Variants in AK5 observed in about 807,000 individuals in gnomAD.
AK5 encodes the protein adenylate kinase isoenzyme 5.
In AK5, 27 loss-of-function variants were observed where a neutral mutation model predicts 69.5. The ratio of observed to expected loss-of-function variants is 0.39; its 90% CI spans 0.29 to 0.54. The LOEUF (loss-of-function observed/expected upper bound fraction) is 0.54. Among genes scored for constraint, AK5 ranks in the 20% least tolerant of loss-of-function variants. AK5 has a pLI of 0.71. For missense variants in AK5, 531 were observed against 700.4 expected, an observed-to-expected ratio of 0.76 and a Z score of 2.73; for synonymous variants, 260 against 244.4, an observed-to-expected ratio of 1.06 and a Z score of -0.60.
intron 8 of AK5, among the ~76,000 whole-genome samples, chr1:77,464,085 T>C (rs1477956392): frequency 6.6e-6 from 1 of 151,846 alleles, no homozygotes; most frequent in Non-Finnish European, 1.5e-5. Flanking sequence ...AGTATTGTTG[T>C]AGCACTTTTG....
At chr1:77,444,275 ATACACAACATATGTGTATATATATAGT>A (rs1652547951) in intron 8 of AK5, among the ~76,000 whole-genome samples, 1 of 60,792 alleles carries the variant, frequency 1.6e-5, no homozygotes, top group African/African-American at 5.9e-5. Context: ...TATAGTATAT[ATACACAACATATGTGTATATATATAGT>A]ATATATACAC....
At chr1:77,342,041 G>A (rs1002595262) in intron 6 of AK5, among the ~76,000 whole-genome samples, 2 of 152,140 alleles carry the variant, frequency 1.3e-5, no homozygotes, top group South Asian at 4.2e-4. Context: ...TGGGATTACA[G>A]GTGCACACCA....
At chr1:77,346,799 GAGAAA>G (rs1335334461) in intron 6 of AK5, among the ~76,000 whole-genome samples, 1 of 152,060 alleles carries the variant, frequency 6.6e-6, no homozygotes, top group Non-Finnish European at 1.5e-5. Context: ...ACCCAGCCAG[GAGAAA>G]AGAAAACTAA....
At chr1:77,369,411 T>C (rs946345251) in intron 6 of AK5, among the ~76,000 whole-genome samples, 3 of 152,190 alleles carry the variant, frequency 2.0e-5, no homozygotes, top group Admixed American at 2.0e-4. Flanking sequence ...TTTTTTCTTA[T>C]GAAAGCAGAT....
At chr1:77,362,977 G>A (rs535688917) in intron 6 of AK5, among the ~76,000 whole-genome samples, 3 of 152,124 alleles carry the variant, frequency 2.0e-5, no homozygotes, top group South Asian at 4.2e-4. Flanking sequence ...CACTTCCTTG[G>A]TGATCTCATT....
chr1:77,290,221 G>A (rs958032544), intron 2 of AK5, among the ~76,000 whole-genome samples: 2 of 152,144 alleles, frequency 1.3e-5, no homozygotes, highest in African/African-American at 4.8e-5. Context: ...TTCTAAACTG[G>A]TTGGTCCTGT....
intron 6 of AK5, among the ~76,000 whole-genome samples, chr1:77,359,716 T>A (rs1464783913): frequency 6.6e-6 from 1 of 152,198 alleles, no homozygotes; most frequent in Non-Finnish European, 1.5e-5. Context: ...AGTGCATGCA[T>A]AACTTATTCG....
At chr1:77,485,453 A>G (rs1242005471) in intron 9 of AK5, among the ~76,000 whole-genome samples, 1 of 152,238 alleles carries the variant, frequency 6.6e-6, no homozygotes, top group African/African-American at 2.4e-5. Context: ...TGTCAGAATA[A>G]TGATCTAACT....
intron 6 of AK5, among the ~76,000 whole-genome samples, chr1:77,370,339 A>G (rs906842999): frequency 2.0e-5 from 3 of 152,306 alleles, no homozygotes; most frequent in Admixed American, 1.3e-4. Flanking sequence ...GCTGAAAGGA[A>G]GCAACTAACA....
chr1:77,475,797 G>T (rs965326142), intron 8 of AK5, among the ~76,000 whole-genome samples: 7 of 151,796 alleles, frequency 4.6e-5, no homozygotes, highest in Non-Finnish European at 1.0e-4. Flanking sequence ...ATTAAAATGG[G>T]AACTTTGCCC....
intron 5 of AK5, among the ~76,000 whole-genome samples, chr1:77,306,484 G>GGTTTTTTTTTTTTTT: frequency 7.4e-6 from 1 of 134,548 alleles, no homozygotes; most frequent in Non-Finnish European, 1.6e-5. Flanking sequence ...AATTTGCTAG[G>GGTTTTTTTTTTTTTT]TTTTTTTTTG....
intron 10 of AK5, among the ~76,000 whole-genome samples, chr1:77,515,894 A>C (rs1389534113): frequency 6.6e-6 from 1 of 152,030 alleles, no homozygotes; most frequent in Non-Finnish European, 1.5e-5. Context: ...CTCTACAAAA[A>C]ATCTGAAAAT....
intron 8 of AK5, among the ~76,000 whole-genome samples, chr1:77,437,333 A>G (rs901102881): frequency 6.6e-6 from 1 of 152,128 alleles, no homozygotes; most frequent in Admixed American, 6.6e-5. Context: ...AAACATACAG[A>G]CAACATGAAT....
chr1:77,417,095 C>T (rs906054539), intron 7 of AK5, among the ~76,000 whole-genome samples: 5 of 152,116 alleles, frequency 3.3e-5, no homozygotes, highest in Admixed American at 1.3e-4. Flanking sequence ...CCTTCAGCAA[C>T]TAAGGTGACC....
chr1:77,318,179 T>G (rs1033216987), intron 5 of AK5, among the ~76,000 whole-genome samples: 3 of 152,136 alleles, frequency 2.0e-5, no homozygotes, highest in Non-Finnish European at 4.4e-5. Context: ...ACAGGAAGCA[T>G]GGCAGCATCT....
chr1:77,348,376 T>C (rs1418655482), intron 6 of AK5, among the ~76,000 whole-genome samples: 1 of 152,214 alleles, frequency 6.6e-6, no homozygotes, highest in African/African-American at 2.4e-5. Context: ...GAATGATGGT[T>C]TCCAGCTTCA....
At chr1:77,522,068 A>C in intron 12 of AK5, 125 bp downstream of exon 12, 1 of 701,830 alleles carries the variant, frequency 1.4e-6, no homozygotes, top group South Asian at 2.3e-5. Flanking sequence ...CAGAAACTTG[A>C]CTCAAACTAG....
chr1:77,527,629 C>T (rs1448031706), intron 12 of AK5, among the ~76,000 whole-genome samples: 1 of 152,218 alleles, frequency 6.6e-6, no homozygotes, highest in Non-Finnish European at 1.5e-5. Context: ...TTCTTACATA[C>T]TGCTAGGAGG....
chr1:77,350,469 C>A (rs2100409638), intron 6 of AK5, among the ~76,000 whole-genome samples: 2 of 152,232 alleles, frequency 1.3e-5, no homozygotes, highest in South Asian at 4.1e-4. Flanking sequence ...TGGCAAGGGC[C>A]ACATTGAAAG....
Sources: gnomAD v4.1 joint callset for allele counts (sites outside exome capture counted in the v4.1 genomes callset) on GRCh38, gnomAD v4.1.1 for gene constraint, MANE v1.5 for transcripts, NCBI Gene and HGNC (gene_info 2026-07-23, HGNC 2026-07-21) for gene names.